The following CYTH1 variants were observed in gnomAD, a reference collection of about 807,000 sequenced individuals.
The protein encoded by CYTH1 is cytohesin 1, also known as cytohesin-1.
A neutral mutation model predicts 61.8 loss-of-function variants in CYTH1; 18 were observed. The ratio of observed to expected loss-of-function variants is 0.29; its 90% CI spans 0.20 to 0.43. The LOEUF (loss-of-function observed/expected upper bound fraction) is 0.43, where lower values mean the gene tolerates loss of function less well. Among genes scored for constraint, CYTH1 ranks in the 20% least tolerant of loss-of-function variants. The pLI, the probability that CYTH1 is intolerant of heterozygous loss-of-function variation, is 1.00. For synonymous variants in CYTH1, 174 were observed against 184.3 expected (o/e 0.94, Z 0.45); for missense variants, 336 against 510.5 (o/e 0.66, Z 3.29).
intron 13 of CYTH1, 85 bp downstream of exon 13, chr17:78,680,105 G>T: frequency 6.6e-7 from 1 of 1,523,376 alleles, no homozygotes; most frequent in Non-Finnish European, 8.9e-7. Flanking sequence ...GATGCGGGCG[G>T]CATGTTTAAC....
intron 6 of CYTH1, 88 bp downstream of exon 6, chr17:78,701,583 A>G: frequency 1.7e-6 from 2 of 1,208,344 alleles, no homozygotes; most frequent in Non-Finnish European, 2.4e-6. Context: ...CAAAGATATA[A>G]TTTCAATAAA....
intron 5 of CYTH1, 29 bp from the exon 6 acceptor site, chr17:78,701,780 G>A: frequency 1.2e-6 from 2 of 1,607,502 alleles, no homozygotes; most frequent in Non-Finnish European, 1.7e-6. Context: ...AAATGGGAGA[G>A]AAAGCAGGAG....
intron 7 of CYTH1, among the ~76,000 whole-genome samples, chr17:78,699,515 AAGG>A (rs2092986340): frequency 6.6e-6 from 1 of 152,208 alleles, no homozygotes; most frequent in African/African-American, 2.4e-5. Context: ...TCAGATTGGA[AAGG>A]AGAATACACA....
chr17:78,737,198 C>A (rs1279673841), intron 1 of CYTH1, among the ~76,000 whole-genome samples: 2 of 152,180 alleles, frequency 1.3e-5, no homozygotes, highest in Non-Finnish European at 2.9e-5. Flanking sequence ...CCAAAACCCA[C>A]GGATGCTTGA....
intron 1 of CYTH1, among the ~76,000 whole-genome samples, chr17:78,718,218 TACACACACACACACACACACACAC>T (rs55803104): frequency 4.0e-4 from 52 of 128,396 alleles, no homozygotes; most frequent in African/African-American, 1.1e-3. Context: ...AAACACTGAA[TACACACACACACACACACACACAC>T]ACACACACAC....
intron 1 of CYTH1, among the ~76,000 whole-genome samples, chr17:78,737,874 TACACACACACAC>T (rs10660165): frequency 0.27 from 39,845 of 150,022 alleles, 6,300 homozygotes; most frequent in East Asian, 0.36. Context: ...CTTCTATAGA[TACACACACACAC>T]ACACACACAC....
intron 1 of CYTH1, among the ~76,000 whole-genome samples, chr17:78,781,336 A>T (rs189557793): frequency 3.9e-4 from 60 of 152,344 alleles, no homozygotes; most frequent in African/African-American, 1.4e-3. Flanking sequence ...CAAACTTAAT[A>T]AATTAACTAC....
chr17:78,769,934 G>A (rs553372600), intron 1 of CYTH1, among the ~76,000 whole-genome samples: 20 of 152,040 alleles, frequency 1.3e-4, no homozygotes, highest in African/African-American at 4.3e-4. Flanking sequence ...GGTGGATCAC[G>A]AGGTCAGGAG....
intron 1 of CYTH1, among the ~76,000 whole-genome samples, chr17:78,715,694 GC>G: frequency 1.3e-5 from 2 of 152,266 alleles, no homozygotes; most frequent in East Asian, 3.9e-4. Flanking sequence ...AATGAAACAT[GC>G]CCCCCGAGTG....
chr17:78,748,697 C>A (rs934869776), intron 1 of CYTH1, among the ~76,000 whole-genome samples: 2 of 152,118 alleles, frequency 1.3e-5, no homozygotes, highest in African/African-American at 4.8e-5. Context: ...AAGCAAAGTT[C>A]TCTGATCAAA....
intron 1 of CYTH1, among the ~76,000 whole-genome samples, chr17:78,721,285 G>A (rs371130028): frequency 3.7e-4 from 56 of 152,032 alleles, no homozygotes; most frequent in East Asian, 2.5e-3. Context: ...AGCCGAGATC[G>A]GGCCATTGCA....
intron 1 of CYTH1, among the ~76,000 whole-genome samples, chr17:78,744,127 A>G (rs1255650309): frequency 6.6e-6 from 1 of 152,172 alleles, no homozygotes; most frequent in Non-Finnish European, 1.5e-5. Flanking sequence ...TTTTAAAATA[A>G]ATATAGATTT....
chr17:78,733,273 C>T (rs544021413), intron 1 of CYTH1, among the ~76,000 whole-genome samples: 40 of 152,200 alleles, frequency 2.6e-4, no homozygotes, highest in South Asian at 1.0e-3. Flanking sequence ...TTCTCATTTC[C>T]ACTTTTTTAA....
At chr17:78,733,830 G>C (rs1249374960) in intron 1 of CYTH1, among the ~76,000 whole-genome samples, 1 of 152,252 alleles carries the variant, frequency 6.6e-6, no homozygotes, top group East Asian at 1.9e-4. Flanking sequence ...CACAGGGCAA[G>C]GCCCAGGACA....
At chr17:78,718,475 C>G (rs2093202029) in intron 1 of CYTH1, among the ~76,000 whole-genome samples, 1 of 152,160 alleles carries the variant, frequency 6.6e-6, no homozygotes, top group African/African-American at 2.4e-5. Flanking sequence ...GTGATCATGG[C>G]GTGAGGGCTA....
chr17:78,723,497 G>A (rs2093247154), intron 1 of CYTH1: 1 of 152,520 alleles, frequency 6.6e-6, no homozygotes, highest in African/African-American at 2.4e-5. Context: ...TGGGCCCGGT[G>A]GGGAAGGCTG....
intron 1 of CYTH1, among the ~76,000 whole-genome samples, chr17:78,754,375 A>C (rs2093392637): frequency 6.6e-6 from 1 of 151,808 alleles, no homozygotes; most frequent in African/African-American, 2.4e-5. Context: ...ACAGGGTCTC[A>C]CTGTGTTGCC....
At chr17:78,701,532 T>C (rs2093008872) in intron 6 of CYTH1, 139 bp downstream of exon 6, 1 of 809,716 alleles carries the variant, frequency 1.2e-6, no homozygotes, top group Non-Finnish European at 2.0e-6. Flanking sequence ...GACCAATAGA[T>C]TTCTTCCCTC....
intron 1 of CYTH1, among the ~76,000 whole-genome samples, chr17:78,731,566 T>C (rs191972412): frequency 4.6e-5 from 7 of 152,178 alleles, no homozygotes; most frequent in Non-Finnish European, 1.0e-4. Flanking sequence ...GAGACCATCC[T>C]AGCTAACACG....
Sources: allele counts gnomAD v4.1 joint callset (sites outside exome capture counted in the v4.1 genomes callset), GRCh38; gene constraint gnomAD v4.1.1; transcripts MANE v1.5; gene names NCBI Gene and HGNC (gene_info 2026-07-23, HGNC 2026-07-21).